The following KIF1B variants were observed in gnomAD, a reference collection of about 807,000 sequenced individuals.
KIF1B encodes kinesin family member 1B.
In KIF1B, 76 loss-of-function variants were observed where a neutral mutation model predicts 241.9. That is an observed-to-expected ratio of 0.31 (90% confidence interval 0.26 to 0.38). The LOEUF (loss-of-function observed/expected upper bound fraction) is 0.38. KIF1B is among the 10% of genes least tolerant of loss of function. KIF1B has a pLI of 1.00. For synonymous variants in KIF1B, 750 were observed against 796.7 expected (o/e 0.94, Z 0.99); for missense variants, 1,622 against 2,271.4 (o/e 0.71, Z 5.81).
At position 10,276,304 on chromosome 1, in the gene KIF1B, A is replaced by G. The variant is rs372958251; in HGVS notation, c.959-17A>G. Reference sequence around the variant, plus strand: ...CTAAAATGAGTGTGATTTGATACTCATGATTAATCTTTTTAGGTGGCAATT... The same window carrying G: ...CTAAAATGAGTGTGATTTGATACTCGTGATTAATCTTTTTAGGTGGCAATT... On this transcript the variant is annotated splice_polypyrimidine_tract_variant and intron_variant, in intron 11 of 48. Transcript: ENST00000676179. 169 of 1,592,638 alleles carry G rather than the reference A, an allele frequency of 1.1e-4. 1 individual carries two copies. The African/African-American group carries it at 2.2e-3, about 20-fold the overall frequency.
rs1380436740 is a variant in KIF1B at position 10,365,505 on chromosome 1, G to A, written c.4609G>A (p.Gly1537Arg). Residue 1537 changes from glycine to arginine, a missense_variant, in exon 43 of 49, where the codon GGG becomes AGG. By Grantham distance (125) the Gly-to-Arg change is moderately radical (BLOSUM62 -2). Around this residue, in one of 7 missense-constraint regions of KIF1B, gnomAD observed 357 missense variants for 409.0 expected, o/e 0.87. Transcript: ENST00000676179. The surrounding 1 kb of genome is among the most constrained non-coding windows in gnomAD (Gnocchi z 4.0). Reference protein sequence around the residue: ...SDSLSPSLSSGTLSTSTSISS... With the variant: ...SDSLSPSLSSRTLSTSTSISS... The stretch of plus-strand genomic sequence containing the variant: ...CTCGTTATCCCCCAGCCTCAGCAGT[G>A]GGACCCTCAGCACCTCCACCAGTAT... 12 of 1,614,112 alleles carry A rather than the reference G, an allele frequency of 7.4e-6. No individual in the cohort carries two copies. Among genetic ancestry groups the A allele is most frequent in the Non-Finnish European group, 1.0e-5 (12 of 1,180,028 alleles).
intron 33 of KIF1B, 113 bp downstream of exon 33, chr1:10,342,281 A>G (rs1389406646): frequency 8.9e-6 from 7 of 783,084 alleles, no homozygotes; most frequent in South Asian, 4.2e-5. Flanking sequence ...TAAGTATTCT[A>G]TATTACCCTG....
Position 10,378,612 on chromosome 1 carries a change from G to T in KIF1B, c.*2025G>T. ...CTGACTCTCAGGCGTTAGGCAGCTG[G>T]ATGACTTCCCGCTTCACGCAGCAAA... On this transcript the variant is annotated 3_prime_UTR_variant, in exon 49 of 49. Coordinates refer to ENST00000676179, the MANE Select transcript of KIF1B (RefSeq NM_001365951.3). 1 of 590,650 alleles carries T rather than the reference G, an allele frequency of 1.7e-6. No individual in the cohort carries two copies. 36.6% of individuals were successfully genotyped at this position (590,650 alleles called of 1,614,324 possible). A position where few individuals can be genotyped will look rare whatever the true frequency, so the allele number is the denominator to read the frequency against.
intron 22 of KIF1B, among the ~76,000 whole-genome samples, chr1:10,313,697 C>T (rs1014305654): frequency 2.0e-5 from 3 of 149,650 alleles, no homozygotes; most frequent in East Asian, 4.0e-4. Context: ...ACTACAGGTG[C>T]CCACCACCAC....
intron 2 of KIF1B, among the ~76,000 whole-genome samples, chr1:10,232,907 G>A (rs1183580367): frequency 6.6e-6 from 1 of 152,162 alleles, no homozygotes; most frequent in Non-Finnish European, 1.5e-5. Flanking sequence ...AAAGTTATCA[G>A]TAATTGCTTC....
chr1:10,363,536 T>C (rs941867742), intron 41 of KIF1B, among the ~76,000 whole-genome samples, 192 bp downstream of exon 41: 2 of 151,894 alleles, frequency 1.3e-5, no homozygotes, highest in Non-Finnish European at 2.9e-5. Context: ...CTACCAAAAA[T>C]ACAAAAATTA....
chr1:10,359,813 C>T (rs182249692), intron 38 of KIF1B, among the ~76,000 whole-genome samples: 20 of 152,094 alleles, frequency 1.3e-4, no homozygotes, highest in Middle Eastern at 3.4e-3. Context: ...GTGGGCAGAG[C>T]GCTTGAGGTC....
chr1:10,290,927 A>G lies in KIF1B; in HGVS notation c.1435-155A>G, dbSNP rs569755365. Reference sequence around the variant, plus strand: ...TGATTTAGTTTTAGGTCTAATCTTTATGATTCTTATCTTATGTATTAATAA... The same window carrying G: ...TGATTTAGTTTTAGGTCTAATCTTTGTGATTCTTATCTTATGTATTAATAA... On this transcript the variant is annotated intron_variant, in intron 15 of 48. Transcript: ENST00000676179. 2.6e-5 allele frequency among the ~76,000 whole-genome samples: 4 copies of G among 151,866 alleles called. No individual in the cohort carries two copies. The East Asian group carries it at 5.8e-4, about 22-fold the overall frequency.
In KIF1B at chr1:10,337,480, G is replaced by T; in HGVS notation, c.3369G>T (p.Val1123=). 2 of 1,614,160 alleles carry T rather than the reference G, an allele frequency of 1.2e-6. No individual in the cohort carries two copies. Among genetic ancestry groups the T allele is most frequent in the South Asian group, 2.2e-5 (2 of 91,088 alleles). The change falls in exon 31 of 49, where the codon GTG becomes GTT. Residue 1123 remains valine (V), a synonymous_variant. Transcript: ENST00000676179. The surrounding 1 kb of genome is among the most constrained non-coding windows in gnomAD (Gnocchi z 4.0). The part of the protein sequence containing the change: ...LGSAFTFRVT[V]LQASGILPEY... The stretch of plus-strand genomic sequence containing the variant: ...GTGCCTTCACTTTCCGAGTAACAGT[G>T]TTGCAGGCCAGTGGAATCCTCCCAG...
At chr1:10,339,922 G>A (rs1341214310) in intron 32 of KIF1B, 63 bp downstream of exon 32, 13 of 1,348,420 alleles carry the variant, frequency 9.6e-6, no homozygotes, top group South Asian at 4.8e-5. Context: ...TTCTCAGCCC[G>A]GGAAGGGTGA....
At position 10,363,343 on chromosome 1, in the gene KIF1B, A is replaced by G. The variant is rs368327839; in HGVS notation, c.4365A>G (p.Pro1455=). Residue 1455 remains proline, a splice_region_variant and synonymous_variant, in exon 41 of 49, where the codon CCA becomes CCG. Transcript: ENST00000676179. ...GCAAAATGTCAGACACAGGTAGTCC[A>G]GGTAAGCTCTTGTGGATTGAGGAGG... The part of the protein sequence containing the change: ...SLCKMSDTGS[P]GMQRRRRKIL... The G allele has an allele frequency of 1.9e-5, 31 of 1,610,568 alleles. No individual in the cohort carries two copies. Among genetic ancestry groups the G allele is most frequent in the East Asian group, 4.5e-5 (2 of 44,878 alleles).
intron 13 of KIF1B, 167 bp from the exon 14 acceptor site, chr1:10,278,930 G>T: frequency 2.0e-6 from 1 of 499,806 alleles, no homozygotes; most frequent in African/African-American, 1.9e-5. Flanking sequence ...TCTTCTTATT[G>T]ATTAGAGTCC....
At position 10,282,398 on chromosome 1, in the gene KIF1B, A is replaced by G; in HGVS notation, c.1299A>G (p.Thr433=). 2 of 1,614,184 alleles carry G rather than the reference A, an allele frequency of 1.2e-6. No individual in the cohort carries two copies. Among genetic ancestry groups the G allele is most frequent in the Non-Finnish European group, 1.7e-6 (2 of 1,180,022 alleles). Residue 433 remains threonine, a synonymous_variant, in exon 15 of 49, where the codon ACA becomes ACG. Coordinates refer to ENST00000676179, the MANE Select transcript of KIF1B (RefSeq NM_001365951.3). ...ATCAACGCCCTGGCCATTTTTCCAC[A>G]GCATCCATGGGGTCCCTCACTTCAT... ...SENQRPGHFS[T]ASMGSLTSSP... is the part of the protein sequence containing the mutation.
intron 1 of KIF1B, among the ~76,000 whole-genome samples, chr1:10,213,788 T>C (rs780917030): frequency 6.6e-6 from 1 of 152,114 alleles, no homozygotes; most frequent in Non-Finnish European, 1.5e-5. Context: ...TTTGTGCAGC[T>C]TGTCAGGATA....
Position 10,337,543 on chromosome 1 carries a change from C to T in KIF1B, c.3422+10C>T. The T allele has an allele frequency of 6.2e-7, 1 of 1,614,142 alleles. No individual in the cohort carries two copies. The highest frequency in any genetic ancestry group is 8.5e-7 in the Non-Finnish European group (1 of 1,180,006). ...TCTTCTGTCAGTTCAAGTAAGCTGC[C>T]CCTTTGCTCTGCCTCCCAGCTAGCT... On this transcript the variant is annotated intron_variant, in intron 31 of 48. Coordinates refer to ENST00000676179, the MANE Select transcript of KIF1B (RefSeq NM_001365951.3). The surrounding 1 kb of genome is among the most constrained non-coding windows in gnomAD (Gnocchi z 4.0).
Position 10,341,196 on chromosome 1 carries a change from C to A in KIF1B, c.3514-854C>A, listed in dbSNP as rs541213267. On this transcript the variant is annotated intron_variant, in intron 32 of 48. Coordinates refer to ENST00000676179, the MANE Select transcript of KIF1B (RefSeq NM_001365951.3). ...AAAGATGAACATGAGAAAATATTCA[C>A]TAAATGCAGTGGGAGTGGAGAAAGG... Among the ~76,000 whole-genome samples, 3 of 152,324 alleles carry A rather than the reference C, an allele frequency of 2.0e-5. 1 individual carries two copies. The South Asian group carries it at 6.2e-4, about 32-fold the overall frequency.
chr1:10,281,731 T>C (rs993606740), intron 14 of KIF1B, among the ~76,000 whole-genome samples: 7 of 152,242 alleles, frequency 4.6e-5, no homozygotes, highest in African/African-American at 1.7e-4. Context: ...CCCTTTTTTA[T>C]TTAAGACATA....
chr1:10,336,991 A>G (rs74722876), intron 29 of KIF1B, 83 bp from the exon 30 acceptor site: 36,942 of 1,564,576 alleles, frequency 0.024, 575 homozygotes, highest in Non-Finnish European at 0.028. Context: ...TATTTGTTGG[A>G]CAGATAAACA....
intron 1 of KIF1B, among the ~76,000 whole-genome samples, chr1:10,221,732 T>C (rs1486349957): frequency 6.6e-6 from 1 of 152,228 alleles, no homozygotes. Context: ...ATTCACACTT[T>C]AAAATGTAAT....
Sources: allele counts gnomAD v4.1 joint callset (sites outside exome capture counted in the v4.1 genomes callset), GRCh38; gene constraint gnomAD v4.1.1; regional missense constraint gnomAD v4.1.1; non-coding constraint Gnocchi (gnomAD v3.1); transcripts MANE v1.5; gene names NCBI Gene and HGNC (gene_info 2026-07-23, HGNC 2026-07-21).